The following STK39 variants were observed in gnomAD, a reference collection of about 807,000 sequenced individuals.
STK39 encodes STE20/SPS1-related proline-alanine-rich protein kinase.
In STK39, 20 loss-of-function variants were observed where a neutral mutation model predicts 77.8. The observed-to-expected ratio is 0.26, with a 90% confidence interval of 0.18 to 0.37. The LOEUF is 0.37. STK39 is among the 10% of genes least tolerant of loss of function. The pLI is 1.00. For missense variants in STK39, 479 were observed against 656.5 expected (o/e 0.73, Z 2.95); for synonymous variants, 246 against 234.1 (o/e 1.05, Z -0.47).
chr2:167,956,674 A>ACACACACACACACACACACACACACACC (rs1691776858), intron 17 of STK39, among the ~76,000 whole-genome samples: 1 of 37,736 alleles, frequency 2.6e-5, no homozygotes, highest in Non-Finnish European at 5.8e-5. Context: ...TTAGACACAC[A>ACACACACACACACACACACACACACACC]CACACACACA....
At position 168,138,036 on chromosome 2, in the gene STK39, C is replaced by A. The variant is rs1489572341; in HGVS notation, c.974+52G>T. ...AGCCTTTCCCCATCTACAAACAAAG[C>A]TTTGTCATGGCTCAAACCAGGTCAT... On this transcript the variant is annotated intron_variant, in intron 8 of 17. Transcript: ENST00000355999. 3.2e-6 allele frequency: 5 copies of A among 1,575,532 alleles called. No individual in the cohort carries two copies. The East Asian group carries it at 1.1e-4, about 36-fold the overall frequency.
chr2:168,163,636 T>G (rs1280609838), intron 4 of STK39, 103 bp downstream of exon 4: 2 of 1,603,328 alleles, frequency 1.2e-6, no homozygotes, highest in African/African-American at 2.7e-5. Context: ...TCTGCAGAGG[T>G]CACACCTGTG....
intron 1 of STK39, 132 bp from the exon 2 acceptor site, chr2:168,182,222 C>CT (rs1445732450): frequency 1.5e-4 from 93 of 612,894 alleles, no homozygotes; most frequent in Middle Eastern, 2.6e-4. Flanking sequence ...CATTTGACAT[C>CT]TTTTTTTTAA....
intron 12 of STK39, among the ~76,000 whole-genome samples, chr2:168,070,211 C>T (rs1250415977): frequency 6.6e-6 from 1 of 152,108 alleles, no homozygotes; most frequent in Non-Finnish European, 1.5e-5. Context: ...AAGCATCCAG[C>T]TAGCGAGCTG....
At chr2:167,960,700 C>A (rs772604655) in intron 17 of STK39, among the ~76,000 whole-genome samples, 3 of 152,034 alleles carry the variant, frequency 2.0e-5, no homozygotes, top group Non-Finnish European at 4.4e-5. Context: ...GGTTACCTGG[C>A]GTCACTGAAA....
At chr2:168,062,408 A>C (rs1417087623) in intron 14 of STK39, among the ~76,000 whole-genome samples, 2 of 152,256 alleles carry the variant, frequency 1.3e-5, no homozygotes, top group African/African-American at 4.8e-5. Flanking sequence ...TGTGAATAAT[A>C]ATCAAGGCTA....
Position 168,163,791 on chromosome 2 carries a change from T to C in STK39, c.520A>G (p.Lys174Glu). The C allele has an allele frequency of 6.2e-7, 1 of 1,613,880 alleles. No individual in the cohort carries two copies. The highest frequency in any genetic ancestry group is 8.5e-7 in the Non-Finnish European group (1 of 1,179,908). Residue 174 changes from lysine to glutamate, a missense_variant, in exon 4 of 18, where the codon AAA becomes GAA. Lys to Glu is a moderately conservative substitution (Grantham distance 56). This residue lies in a region of STK39 where 139 missense variants were observed against 280.6 expected (regional missense o/e 0.50). Transcript: ENST00000355999. ...LEEAIIATIL[K>E]EVLEGLDYLH... Reference sequence around the variant, plus strand: ...TAGTCTAAGCCTTCCAAAACCTCTTTAAGAATTGTTGCTATTATTGCCTCT... The same window carrying C: ...TAGTCTAAGCCTTCCAAAACCTCTTCAAGAATTGTTGCTATTATTGCCTCT...
chr2:168,125,874 G>T (rs542938503), intron 10 of STK39, among the ~76,000 whole-genome samples: 1 of 152,190 alleles, frequency 6.6e-6, no homozygotes, highest in South Asian at 2.1e-4. Flanking sequence ...TCACATTTTG[G>T]CCAAACATGA....
intron 1 of STK39, among the ~76,000 whole-genome samples, chr2:168,192,227 G>A (rs1689357185): frequency 1.3e-5 from 2 of 152,104 alleles, no homozygotes; most frequent in African/African-American, 2.4e-5. Flanking sequence ...CAGGGAAACA[G>A]CAGGCAAAGA....
At chr2:168,027,630 GCA>G (rs1234161065) in intron 14 of STK39, among the ~76,000 whole-genome samples, 1 of 152,124 alleles carries the variant, frequency 6.6e-6, no homozygotes, top group Non-Finnish European at 1.5e-5. Flanking sequence ...GTGTGCATGA[GCA>G]CACACATACA....
intron 10 of STK39, among the ~76,000 whole-genome samples, chr2:168,098,164 T>C (rs1239480675): frequency 6.6e-6 from 1 of 152,234 alleles, no homozygotes; most frequent in Non-Finnish European, 1.5e-5. Flanking sequence ...GCCTAGCATA[T>C]TTTCGGCACC....
intron 10 of STK39, among the ~76,000 whole-genome samples, chr2:168,081,885 A>G (rs1686241863): frequency 6.6e-6 from 1 of 152,210 alleles, no homozygotes; most frequent in Admixed American, 6.5e-5. Flanking sequence ...CATCCATGTA[A>G]GATGTGACTT....
chr2:168,197,214 T>A (rs1689494578), intron 1 of STK39, among the ~76,000 whole-genome samples: 1 of 152,132 alleles, frequency 6.6e-6, no homozygotes, highest in Non-Finnish European at 1.5e-5. Context: ...TGAGAATATA[T>A]TTGGACGTAG....
At chr2:167,993,657 T>C (rs1683759741) in intron 16 of STK39, among the ~76,000 whole-genome samples, 1 of 152,202 alleles carries the variant, frequency 6.6e-6, no homozygotes, top group Admixed American at 6.5e-5. Context: ...CCTTTGGATA[T>C]CCAGTATGTG....
At chr2:168,098,416 C>G (rs1686731506) in intron 10 of STK39, among the ~76,000 whole-genome samples, 2 of 152,296 alleles carry the variant, frequency 1.3e-5, no homozygotes, top group East Asian at 1.9e-4. Context: ...CAGCTTCTTA[C>G]AGCAACAAAA....
chr2:168,149,122 G>A (rs151193468), intron 5 of STK39, among the ~76,000 whole-genome samples: 67 of 152,274 alleles, frequency 4.4e-4, no homozygotes, highest in South Asian at 1.0e-3. Context: ...GCCAATAATG[G>A]CATATGGTTC....
chr2:168,105,758 C>G (rs6720467), intron 10 of STK39, among the ~76,000 whole-genome samples: 53,301 of 152,044 alleles, frequency 0.35, 9,607 homozygotes, highest in African/African-American at 0.4. Context: ...AGGGCAAGAC[C>G]TTGTGTGAAA....
intron 12 of STK39, among the ~76,000 whole-genome samples, chr2:168,069,623 C>G (rs1291068473): frequency 6.6e-6 from 1 of 152,218 alleles, no homozygotes; most frequent in African/African-American, 2.4e-5. Flanking sequence ...TTTGAGCACA[C>G]CAGCTTCCTG....
At chr2:168,163,982 G>A (rs1428668498) in intron 3 of STK39, 102 bp from the exon 4 acceptor site, 27 of 1,444,250 alleles carry the variant, frequency 1.9e-5, no homozygotes, top group Admixed American at 2.4e-5. Flanking sequence ...CAAAATATGG[G>A]CTTTATTTAA....
Sources: allele counts gnomAD v4.1 joint callset (sites outside exome capture counted in the v4.1 genomes callset), GRCh38; gene constraint gnomAD v4.1.1; regional missense constraint gnomAD v4.1.1; transcripts MANE v1.5; gene names NCBI Gene and HGNC (gene_info 2026-07-23, HGNC 2026-07-21).